Variants in PPP1R36 observed in about 807,000 individuals in gnomAD.
PPP1R36 encodes the protein protein phosphatase 1 regulatory subunit 36.
PPP1R36 carries 47 observed loss-of-function variants against 53.4 expected under a neutral mutation model. The ratio of observed to expected loss-of-function variants is 0.88; its 90% CI spans 0.70 to 1.12. The LOEUF is 1.12. Ranked by LOEUF, PPP1R36 falls within the 50% of genes most tolerant of loss-of-function variation. The probability of loss-of-function intolerance (pLI) is 0.00; values close to 1 mark genes in which losing one functional copy is unlikely to be tolerated. For missense variants in PPP1R36, 456 were observed against 513.9 expected, an observed-to-expected ratio of 0.89 and a Z score of 1.09; for synonymous variants, 153 against 170.5, an observed-to-expected ratio of 0.90 and a Z score of 0.80.
intron 8 of PPP1R36, among the ~76,000 whole-genome samples, chr14:64,578,142 T>C (rs1165706896): frequency 2.6e-5 from 4 of 151,400 alleles, no homozygotes; most frequent in Non-Finnish European, 5.9e-5. Context: ...TTAGTAGAGA[T>C]GGGGTTTCAC....
chr14:64,587,675 T>C (rs1384630192), intron 10 of PPP1R36, among the ~76,000 whole-genome samples: 4 of 151,964 alleles, frequency 2.6e-5, no homozygotes, highest in African/African-American at 9.7e-5. Context: ...TTGGTCAAGC[T>C]GATCTCGAAC....
chr14:64,561,950 C>A, intron 3 of PPP1R36: 1 of 394,836 alleles, frequency 2.5e-6, no homozygotes, highest in South Asian at 1.8e-5. Context: ...TGTGTGGAAG[C>A]CAAGAGTGGT....
chr14:64,582,369 G>C (rs1289452327), intron 8 of PPP1R36, among the ~76,000 whole-genome samples: 2 of 152,138 alleles, frequency 1.3e-5, no homozygotes, highest in East Asian at 1.9e-4. Flanking sequence ...TCCTCATTTT[G>C]ATTTGGAGCC....
At chr14:64,579,911 A>G (rs948827792) in intron 8 of PPP1R36, among the ~76,000 whole-genome samples, 1 of 152,216 alleles carries the variant, frequency 6.6e-6, no homozygotes, top group African/African-American at 2.4e-5. Flanking sequence ...CGCAGCTTGC[A>G]GTGAGCTGAG....
At chr14:64,581,777 T>C (rs1469208128) in intron 8 of PPP1R36, among the ~76,000 whole-genome samples, 1 of 152,208 alleles carries the variant, frequency 6.6e-6, no homozygotes, top group Non-Finnish European at 1.5e-5. Context: ...TGCTGTTAAT[T>C]TAGTGCTTTC....
At position 64,574,460 on chromosome 14, in the gene PPP1R36, T is replaced by C; in HGVS notation, c.539T>C (p.Leu180Pro). 1 of 1,612,688 alleles carries C rather than the reference T, an allele frequency of 6.2e-7. No individual in the cohort carries two copies. Among genetic ancestry groups the C allele is most frequent in the Non-Finnish European group, 8.5e-7 (1 of 1,179,538 alleles). Residue 180 changes from leucine to proline, a missense_variant, in exon 8 of 12, where the codon CTT becomes CCT. Transcript: ENST00000298705. ...TTTTTTGTCCTCCCCATCAGAGGCC[T>C]TGTAGAGAAAAAAGAAATGGAATTG... ...EKKPKSYMVG[L>P]VEKKEMELVL...
rs753084767 is a variant in PPP1R36, at chr14:64,565,665, G to A, written c.407G>A (p.Arg136Gln). ...LLLLQDTEMQ[R>Q]ICSFTTFMRN... is the part of the protein sequence containing the mutation. ...TTGCTACAAGATACTGAGATGCAGC[G>A]GATCTGTTCTTTTACAACATTTATG... is the stretch of plus-strand genomic sequence containing the variant. The change falls in exon 6 of 12, where the codon CGG becomes CAG. Residue 136 changes from arginine to glutamine, a missense_variant. Coordinates refer to ENST00000298705, the MANE Select transcript of PPP1R36 (RefSeq NM_172365.3). The A allele has an allele frequency of 9.3e-6, 15 of 1,613,380 alleles. No individual in the cohort carries two copies. The highest frequency in any genetic ancestry group is 3.3e-4 in the Middle Eastern group (2 of 6,082).
At chr14:64,564,413 C>T (rs1050264912) in intron 3 of PPP1R36, among the ~76,000 whole-genome samples, 1 of 152,158 alleles carries the variant, frequency 6.6e-6, no homozygotes, top group African/African-American at 2.4e-5. Context: ...TGAGATTGTG[C>T]CTAAAAGCAC....
intron 8 of PPP1R36, among the ~76,000 whole-genome samples, chr14:64,584,423 C>G (rs1341835164): frequency 6.6e-6 from 1 of 152,100 alleles, no homozygotes; most frequent in Non-Finnish European, 1.5e-5. Context: ...TGTTCATGGT[C>G]TCTGGTTTCA....
chr14:64,577,918 G>A (rs906572954), intron 8 of PPP1R36, among the ~76,000 whole-genome samples: 4 of 151,668 alleles, frequency 2.6e-5, no homozygotes, highest in East Asian at 1.9e-4. Flanking sequence ...GTAGAGACAG[G>A]GTTTCACCAT....
intron 8 of PPP1R36, among the ~76,000 whole-genome samples, chr14:64,575,117 G>GA (rs1272433986): frequency 2.6e-5 from 4 of 152,154 alleles, no homozygotes; most frequent in African/African-American, 9.7e-5. Flanking sequence ...ACAGGTTTGG[G>GA]ATCACAAGGT....
chr14:64,550,002 AC>A lies in PPP1R36; in HGVS notation c.7del (p.Arg3GlyfsTer12). The A allele has an allele frequency of 6.4e-7, 1 of 1,569,760 alleles. No individual in the cohort carries two copies. The highest frequency in any genetic ancestry group is 1.2e-5 in the South Asian group (1 of 85,354). On this transcript the variant is annotated frameshift_variant, in exon 1 of 12. Transcript: ENST00000298705. LOFTEE classifies it high-confidence loss of function. Reference sequence around the variant, plus strand: ...TATGGCTTCCAGGGCGAGGCCATGTACCGGGTGCCCGAGTTTTATGCGAGGA... The same window carrying A: ...TATGGCTTCCAGGGCGAGGCCATGTACGGGTGCCCGAGTTTTATGCGAGGA... Reference protein sequence around the residue: MYRVPEFYARRK... With the variant: MXRVPEFYARRK...
intron 8 of PPP1R36, among the ~76,000 whole-genome samples, chr14:64,576,078 CTTTT>C (rs5809235): frequency 2.3e-4 from 25 of 108,974 alleles, no homozygotes; most frequent in Admixed American, 2.0e-4. Flanking sequence ...GACTGAGTAT[CTTTT>C]TTTTTTTTTT....
intron 3 of PPP1R36, among the ~76,000 whole-genome samples, chr14:64,562,983 C>T (rs1395147991): frequency 6.6e-6 from 1 of 152,176 alleles, no homozygotes; most frequent in Non-Finnish European, 1.5e-5. Context: ...TCTCCTGCCT[C>T]AGCCTCCCAG....
chr14:64,564,897 C>A, intron 4 of PPP1R36, 60 bp downstream of exon 4: 1 of 1,133,226 alleles, frequency 8.8e-7, no homozygotes, highest in South Asian at 1.4e-5. Flanking sequence ...GGAATGGCTT[C>A]AGCCTTTACA....
At chr14:64,563,896 T>G (rs1466669494) in intron 3 of PPP1R36, among the ~76,000 whole-genome samples, 1 of 152,212 alleles carries the variant, frequency 6.6e-6, no homozygotes, top group Non-Finnish European at 1.5e-5. Context: ...GGCAGGAACC[T>G]CGTCCTGTTA....
intron 9 of PPP1R36, 108 bp downstream of exon 9, chr14:64,586,987 G>A (rs1399019275): frequency 2.1e-6 from 2 of 958,116 alleles, no homozygotes; most frequent in South Asian, 3.0e-5. Flanking sequence ...CTAAAAGACG[G>A]TGCTAACAAG....
At chr14:64,588,635 A>C (rs1451187371) in intron 11 of PPP1R36, 2 of 208,442 alleles carry the variant, frequency 9.6e-6, no homozygotes, top group Non-Finnish European at 1.8e-5. Flanking sequence ...ATCTCGGCTC[A>C]CTTCAACCTC....
Position 64,589,305 on chromosome 14 carries a change from A to C in PPP1R36, c.1236A>C (p.Lys412Asn). 3 of 1,613,800 alleles carry C rather than the reference A, an allele frequency of 1.9e-6. No homozygotes were observed. Among genetic ancestry groups the C allele is most frequent in the Non-Finnish European group, 2.5e-6 (3 of 1,179,774 alleles). Residue 412 changes from lysine to asparagine, a missense_variant, in exon 12 of 12, where the codon AAA (lysine) becomes AAC (asparagine). Coordinates refer to ENST00000298705, the MANE Select transcript of PPP1R36 (RefSeq NM_172365.3). ...RIQDTLDLVM[K>N]TLSSHTSCPK ...AGGATACACTGGACTTGGTCATGAAAACACTGTCCTCTCATACATCATGCC... is the reference window on the plus strand; with the variant it reads ...AGGATACACTGGACTTGGTCATGAACACACTGTCCTCTCATACATCATGCC...
Sources: gnomAD v4.1 joint callset for allele counts (sites outside exome capture counted in the v4.1 genomes callset) on GRCh38, gnomAD v4.1.1 for gene constraint, MANE v1.5 for transcripts, NCBI Gene and HGNC (gene_info 2026-07-23, HGNC 2026-07-21) for gene names.